CCDC158: variants seen among roughly 807,000 people sequenced by gnomAD.
The protein encoded by CCDC158 is coiled-coil domain containing 158, also known as coiled-coil domain-containing protein 158.
CCDC158 carries 116 observed loss-of-function variants against 138.6 expected under a neutral mutation model. The observed-to-expected ratio is 0.84, with a 90% confidence interval of 0.72 to 0.98. The LOEUF (loss-of-function observed/expected upper bound fraction) is 0.98. Among genes scored for constraint, CCDC158 ranks in the 50% least tolerant of loss-of-function variants. CCDC158 has a pLI of 0.00. For synonymous variants in CCDC158, 436 were observed against 442.4 expected (o/e 0.99, Z 0.18); for missense variants, 1,265 against 1,306.1 (o/e 0.97, Z 0.48).
At chr4:76,395,412 T>C (rs1727688898) in intron 4 of CCDC158, among the ~76,000 whole-genome samples, 1 of 152,068 alleles carries the variant, frequency 6.6e-6, no homozygotes, top group Non-Finnish European at 1.5e-5. Flanking sequence ...ATGAGTAAAA[T>C]TAGATGTACT....
chr4:76,380,478 G>T (rs1256875338), intron 8 of CCDC158, among the ~76,000 whole-genome samples: 1 of 152,092 alleles, frequency 6.6e-6, no homozygotes, highest in Non-Finnish European at 1.5e-5. Context: ...GATGATTCAG[G>T]GTGTCGGGCA....
intron 18 of CCDC158, among the ~76,000 whole-genome samples, chr4:76,336,006 C>T (rs1308268158): frequency 6.6e-6 from 1 of 151,200 alleles, no homozygotes; most frequent in East Asian, 1.9e-4. Flanking sequence ...ATGGTGAAAC[C>T]CCATCTCTAC....
Position 76,323,357 on chromosome 4 carries a change from C to G in CCDC158, c.3222G>C (p.Gln1074His). Residue 1074 changes from glutamine (Q) to histidine (H), a missense_variant, in exon 24 of 25, where the codon CAG becomes CAC. By Grantham distance (24) the Gln-to-His change is conservative. Transcript: ENST00000682701. The part of the protein sequence containing the change: ...ETTGKTCRKL[Q>H]NRLESLQTLV... ...GAGTTTGCAAGCTTTCTAGTCTGTTCTGAAGCTTCCTGCATGTTTTTCCTG... is the reference window on the plus strand; with the variant it reads ...GAGTTTGCAAGCTTTCTAGTCTGTTGTGAAGCTTCCTGCATGTTTTTCCTG... 6.2e-7 allele frequency: 1 copy of G among 1,612,866 alleles called. No individual in the cohort carries two copies. Among genetic ancestry groups the G allele is most frequent in the African/African-American group, 1.3e-5 (1 of 75,042 alleles).
intron 18 of CCDC158, among the ~76,000 whole-genome samples, chr4:76,342,678 TAAG>T (rs1413186007): frequency 6.6e-6 from 1 of 152,096 alleles, no homozygotes; most frequent in African/African-American, 2.4e-5. Context: ...CTAAAGGAAT[TAAG>T]AAGGGTAAAG....
intron 7 of CCDC158, 26 bp from the exon 8 acceptor site, chr4:76,382,746 A>T (rs1273637603): frequency 1.5e-6 from 2 of 1,359,014 alleles, no homozygotes; most frequent in Admixed American, 3.6e-5. Flanking sequence ...GGTGATTGTC[A>T]TTTGATACAG....
intron 2 of CCDC158, among the ~76,000 whole-genome samples, chr4:76,410,036 C>T (rs1729170621): frequency 6.6e-6 from 1 of 152,056 alleles, no homozygotes; most frequent in African/African-American, 2.4e-5. Flanking sequence ...TGGGTTCTGA[C>T]TCCTGCTCCT....
chr4:76,367,206 A>C, intron 12 of CCDC158, 88 bp downstream of exon 12: 1 of 1,422,314 alleles, frequency 7.0e-7, no homozygotes, highest in Admixed American at 2.1e-5. Flanking sequence ...CAGAGTGTCC[A>C]CAGATACCAA....
At chr4:76,400,660 A>G (rs1728288645) in intron 3 of CCDC158, among the ~76,000 whole-genome samples, 1 of 152,032 alleles carries the variant, frequency 6.6e-6, no homozygotes, top group South Asian at 2.1e-4. Context: ...AACTGGAAAG[A>G]TATCTGGCTA....
intron 7 of CCDC158, among the ~76,000 whole-genome samples, 175 bp from the exon 8 acceptor site, chr4:76,382,895 C>A (rs999738601): frequency 6.6e-6 from 1 of 152,108 alleles, no homozygotes; most frequent in African/African-American, 2.4e-5. Context: ...TTATCCAAAT[C>A]TTTTGGGAGT....
intron 24 of CCDC158, among the ~76,000 whole-genome samples, chr4:76,316,252 T>A (rs1352737347): frequency 6.6e-6 from 1 of 151,878 alleles, no homozygotes; most frequent in East Asian, 1.9e-4. Flanking sequence ...GAGAAATAGA[T>A]ATAAAGAAAA....
At position 76,367,761 on chromosome 4, in the gene CCDC158, C is replaced by T. The variant is rs1175736091; in HGVS notation, c.1363G>A (p.Gly455Arg). The change falls in exon 12 of 25, where the codon GGA (glycine) becomes AGA (arginine). Residue 455 changes from glycine (G) to arginine (R), a missense_variant. Coordinates refer to ENST00000682701, the MANE Select transcript of CCDC158 (RefSeq NM_001394954.1). Reference protein sequence around the residue: ...QMERQMAAIQGKNESLEKVSS... With the variant: ...QMERQMAAIQRKNESLEKVSS... ...ACTTTTTCTAGACTTTCATTCTTTC[C>T]TTGAATTGCTGCCATCTGATTGTTA... 6.2e-7 allele frequency: 1 copy of T among 1,600,354 alleles called. No homozygotes were observed. Among genetic ancestry groups the T allele is most frequent in the African/African-American group, 1.3e-5 (1 of 74,516 alleles).
At chr4:76,415,457 G>T (rs1031553252) in intron 1 of CCDC158, among the ~76,000 whole-genome samples, 2 of 152,110 alleles carry the variant, frequency 1.3e-5, no homozygotes, top group South Asian at 4.1e-4. Context: ...CAAGGAGTCT[G>T]TGGGCGGCAA....
intron 1 of CCDC158, among the ~76,000 whole-genome samples, chr4:76,416,901 C>T (rs1013110077): frequency 1.3e-5 from 2 of 152,288 alleles, no homozygotes; most frequent in East Asian, 3.9e-4. Flanking sequence ...CACACAGAGT[C>T]CCTACTGGGC....
intron 24 of CCDC158, among the ~76,000 whole-genome samples, chr4:76,315,092 G>A (rs538977894): frequency 2.6e-5 from 4 of 152,320 alleles, no homozygotes; most frequent in South Asian, 2.1e-4. Flanking sequence ...TGTTAGCAGG[G>A]CATGGTGGGA....
intron 18 of CCDC158, among the ~76,000 whole-genome samples, chr4:76,337,019 C>T (rs1045581268): frequency 6.6e-6 from 1 of 152,076 alleles, no homozygotes; most frequent in Non-Finnish European, 1.5e-5. Flanking sequence ...CTCATTCTTT[C>T]ACCCAAACTG....
intron 18 of CCDC158, among the ~76,000 whole-genome samples, chr4:76,350,267 G>A (rs980987615): frequency 1.3e-5 from 2 of 152,140 alleles, no homozygotes; most frequent in Non-Finnish European, 2.9e-5. Flanking sequence ...TTAAGTGTGT[G>A]AGAGGATTCC....
At chr4:76,325,731 C>T in intron 23 of CCDC158, 126 bp downstream of exon 23, 4 of 686,754 alleles carry the variant, frequency 5.8e-6, no homozygotes, top group Middle Eastern at 2.9e-4. Context: ...GTTTAAATTA[C>T]ACAGAATCAG....
At chr4:76,353,333 T>C (rs1723233908) in intron 15 of CCDC158, 52 bp from the exon 16 acceptor site, 1 of 1,380,430 alleles carries the variant, frequency 7.2e-7, no homozygotes, top group Admixed American at 2.3e-5. Context: ...ATGTAGATGC[T>C]GAAAGGTAAT....
intron 18 of CCDC158, among the ~76,000 whole-genome samples, chr4:76,343,112 A>C (rs1380289503): frequency 1.3e-5 from 2 of 152,312 alleles, no homozygotes; most frequent in East Asian, 3.9e-4. Context: ...GCAAATGTTA[A>C]ATATGAGTAT....
Sources: allele counts gnomAD v4.1 joint callset (sites outside exome capture counted in the v4.1 genomes callset), GRCh38; gene constraint gnomAD v4.1.1; transcripts MANE v1.5; gene names NCBI Gene and HGNC (gene_info 2026-07-23, HGNC 2026-07-21).